The following TOX2 variants were observed in gnomAD, a reference collection of about 807,000 sequenced individuals.
TOX2 encodes the protein TOX high mobility group box family member 2.
In TOX2, 15 loss-of-function variants were observed where a neutral mutation model predicts 47.4. The ratio of observed to expected loss-of-function variants is 0.32; its 90% CI spans 0.21 to 0.49. The LOEUF is 0.49. Among genes scored for constraint, TOX2 ranks in the 20% least tolerant of loss-of-function variants. TOX2 has a pLI of 0.99. For missense variants in TOX2, 622 were observed against 673.1 expected (o/e 0.92, Z 0.84); for synonymous variants, 290 against 296.6 (o/e 0.98, Z 0.23).
At chr20:44,003,434 C>A (rs1480312170) in intron 2 of TOX2, among the ~76,000 whole-genome samples, 1 of 152,098 alleles carries the variant, frequency 6.6e-6, no homozygotes, top group Non-Finnish European at 1.5e-5. Flanking sequence ...AGCGATCCTC[C>A]CGTCTTGGCC....
intron 2 of TOX2, among the ~76,000 whole-genome samples, chr20:43,974,410 C>T (rs939338196): frequency 1.3e-5 from 2 of 152,208 alleles, no homozygotes; most frequent in Non-Finnish European, 2.9e-5. Flanking sequence ...GAAGTATTCT[C>T]ATTACAGGCA....
intron 1 of TOX2, among the ~76,000 whole-genome samples, chr20:43,957,472 T>C (rs1048500142): frequency 3.3e-5 from 5 of 152,222 alleles, no homozygotes; most frequent in African/African-American, 2.4e-5. Flanking sequence ...TCTGTAAAAC[T>C]GGATGATATC....
chr20:44,011,898 T>A (rs1039947789), intron 3 of TOX2, among the ~76,000 whole-genome samples: 1 of 152,278 alleles, frequency 6.6e-6, no homozygotes, highest in Non-Finnish European at 1.5e-5. Flanking sequence ...TTTGAAGGTA[T>A]GGCAGCTAGC....
chr20:43,968,178 A>G (rs1318537412), intron 1 of TOX2, among the ~76,000 whole-genome samples: 1 of 152,046 alleles, frequency 6.6e-6, no homozygotes, highest in East Asian at 1.9e-4. Context: ...CTGCCCATCC[A>G]TCCATCCCAT....
intron 1 of TOX2, among the ~76,000 whole-genome samples, chr20:43,940,824 G>A (rs1600665246): frequency 1.3e-5 from 2 of 152,206 alleles, no homozygotes; most frequent in African/African-American, 2.4e-5. Context: ...AGCGCAAAGC[G>A]GCTTTAGTCA....
Position 43,992,849 on chromosome 20 carries a change from CAAAAAAA to C in TOX2, c.166-13687_166-13681del, listed in dbSNP as rs11483440. Among the ~76,000 whole-genome samples the C allele has an allele frequency of 1.1e-4, 8 of 74,538 alleles. No individual in the cohort carries two copies. In the East Asian group the frequency reaches 1.4e-3, roughly 13 times the overall value. 48.9% of individuals were successfully genotyped at this position (74,538 alleles called of 152,430 possible). On this transcript the variant is annotated intron_variant, in intron 2 of 8. Coordinates refer to ENST00000341197, the MANE Select transcript of TOX2 (RefSeq NM_001098797.2). ...ATGAAACACATTCGTGTAGGGTTTA[CAAAAAAA>C]AAAAAAAAAAGAAAAAATGGTGGAG...
At chr20:44,010,466 T>C (rs1207368654) in intron 3 of TOX2, among the ~76,000 whole-genome samples, 2 of 152,188 alleles carry the variant, frequency 1.3e-5, no homozygotes, top group African/African-American at 4.8e-5. Context: ...TAAGCCAAAC[T>C]CTATTACCCA....
intron 3 of TOX2, among the ~76,000 whole-genome samples, chr20:44,019,784 C>T (rs573365801): frequency 6.6e-6 from 1 of 152,192 alleles, no homozygotes; most frequent in African/African-American, 2.4e-5. Context: ...AACTTCCTGT[C>T]TCTGCCACCA....
intron 2 of TOX2, among the ~76,000 whole-genome samples, chr20:43,980,431 G>C (rs997525189): frequency 4.6e-5 from 7 of 152,072 alleles, no homozygotes; most frequent in Non-Finnish European, 1.0e-4. Flanking sequence ...AAAATAGAAT[G>C]AATAAGATTT....
chr20:43,934,868 C>A (rs967402831), intron 1 of TOX2, among the ~76,000 whole-genome samples: 2 of 150,414 alleles, frequency 1.3e-5, no homozygotes, highest in African/African-American at 4.9e-5. Flanking sequence ...CATCCTGGAC[C>A]CTTTCTGTAG....
intron 3 of TOX2, among the ~76,000 whole-genome samples, chr20:44,007,071 G>A (rs540739655): frequency 6.4e-4 from 97 of 152,262 alleles, no homozygotes; most frequent in Non-Finnish European, 1.1e-3. Context: ...TGCATTATTT[G>A]TTAATAGTAT....
intron 3 of TOX2, among the ~76,000 whole-genome samples, chr20:44,014,524 T>C (rs1035288380): frequency 6.6e-6 from 1 of 152,170 alleles, no homozygotes; most frequent in East Asian, 1.9e-4. Context: ...ATAGGCTATG[T>C]GGTCAGGCTG....
At chr20:44,047,404 A>G (rs2071426770) in intron 3 of TOX2, among the ~76,000 whole-genome samples, 1 of 152,364 alleles carries the variant, frequency 6.6e-6, no homozygotes, top group East Asian at 1.9e-4. Context: ...TATGTAAAAA[A>G]CAACATATGC....
intron 3 of TOX2, chr20:44,039,134 C>G (rs2071290657): frequency 7.9e-7 from 1 of 1,259,298 alleles, no homozygotes; most frequent in South Asian, 1.2e-5. Context: ...TGCCGGGAGG[C>G]AACGTGTGGA....
chr20:44,045,460 G>C (rs1410571826), intron 3 of TOX2, among the ~76,000 whole-genome samples: 2 of 152,158 alleles, frequency 1.3e-5, no homozygotes, highest in African/African-American at 2.4e-5. Flanking sequence ...TGTCCATCTT[G>C]AAGTCTTTTG....
chr20:44,061,835 G>A (rs1410840338), intron 5 of TOX2, among the ~76,000 whole-genome samples: 2 of 152,030 alleles, frequency 1.3e-5, no homozygotes, highest in Non-Finnish European at 2.9e-5. Context: ...TAACATACAC[G>A]AGTCAATAAA....
intron 2 of TOX2, among the ~76,000 whole-genome samples, chr20:43,981,492 C>T (rs77300981): frequency 0.012 from 1,883 of 152,226 alleles, 95 homozygotes; most frequent in Admixed American, 0.1. Flanking sequence ...AGTGGCTTTG[C>T]GCGTTGTACA....
chr20:44,047,122 A>T (rs1600779643), intron 3 of TOX2, among the ~76,000 whole-genome samples: 1 of 152,372 alleles, frequency 6.6e-6, no homozygotes, highest in Non-Finnish European at 1.5e-5. Context: ...TGATGTAGCT[A>T]AAATTCTCCC....
At chr20:44,007,160 C>T (rs1168926124) in intron 3 of TOX2, 1 of 221,834 alleles carries the variant, frequency 4.5e-6, no homozygotes, top group African/African-American at 2.3e-5. Context: ...AAGTATACTA[C>T]TTAATGACTT....
Sources: gnomAD v4.1 joint callset for allele counts (sites outside exome capture counted in the v4.1 genomes callset) on GRCh38, gnomAD v4.1.1 for gene constraint, MANE v1.5 for transcripts, NCBI Gene and HGNC (gene_info 2026-07-23, HGNC 2026-07-21) for gene names.